The following TMEM177 variants were observed in gnomAD, a reference collection of about 807,000 sequenced individuals.
TMEM177 encodes the protein transmembrane protein 177.
Under a neutral mutation model 14.2 loss-of-function variants are expected in TMEM177, and 4 were observed. That is an observed-to-expected ratio of 0.28 (90% CI 0.14 to 0.64). The LOEUF is 0.64. Ranked by LOEUF, TMEM177 falls within the 30% of genes least tolerant of loss-of-function variation. The pLI is 0.82. For missense variants in TMEM177, 344 were observed against 405.2 expected (o/e 0.85, Z 1.30); for synonymous variants, 179 against 174.5 (o/e 1.03, Z -0.20).
chr2:119,688,662 C>T (rs574370721), downstream of TMEM177, among the ~76,000 whole-genome samples: 7 of 152,180 alleles, frequency 4.6e-5, no homozygotes, highest in Admixed American at 1.3e-4. Flanking sequence ...CATCATGCAG[C>T]GTGTGACTGT....
In TMEM177 at chr2:119,681,673, C is replaced by T; in HGVS notation, c.820C>T (p.Pro274Ser). The change falls in exon 2 of 2, where the codon CCC becomes TCC. Residue 274 changes from proline to serine, a missense_variant. Coordinates refer to ENST00000272521, the MANE Select transcript of TMEM177 (RefSeq NM_030577.3). Reference sequence around the variant, plus strand: ...CAAAGACGGGGAGAAGCTGTATACACCCAGCGGGAACATCGTCCCCAGACA... The same window carrying T: ...CAAAGACGGGGAGAAGCTGTATACATCCAGCGGGAACATCGTCCCCAGACA... Reference protein sequence around the residue: ...LGKDGEKLYTPSGNIVPRHLF... With the variant: ...LGKDGEKLYTSSGNIVPRHLF... 6.2e-7 allele frequency: 1 copy of T among 1,614,172 alleles called. No individual in the cohort carries two copies. The highest frequency in any genetic ancestry group is 8.5e-7 in the Non-Finnish European group (1 of 1,180,026).
In TMEM177 at chr2:119,681,153, T is replaced by TG. The variant is rs746017659; in HGVS notation, c.304dup (p.Ala102GlyfsTer18). The TG allele has an allele frequency of 5.6e-6, 9 of 1,614,242 alleles. No individual in the cohort carries two copies. The highest frequency in any genetic ancestry group is 7.6e-6 in the Non-Finnish European group (9 of 1,180,040). ...GTGCAGGCTTCCCAAGACTCCCTGC[T>TG]GGGGCTGTGGTGGGCATCCCTGCCA... On this transcript the variant is annotated frameshift_variant, in exon 2 of 2. Coordinates refer to ENST00000272521, the MANE Select transcript of TMEM177 (RefSeq NM_030577.3). LOFTEE classifies it high-confidence loss of function.
the TMEM177 span, among the ~76,000 whole-genome samples, chr2:119,717,213 C>T: frequency 2.0e-5 from 3 of 152,208 alleles, no homozygotes; most frequent in Middle Eastern, 6.8e-3. Flanking sequence ...AAATGCAGGG[C>T]CCCTTGTGTA....
At chr2:119,706,905 T>C in the TMEM177 span, among the ~76,000 whole-genome samples, 1 of 150,174 alleles carries the variant, frequency 6.7e-6, no homozygotes, top group Admixed American at 6.7e-5. Flanking sequence ...TATTTATTTA[T>C]TTTATTTTAT....
At chr2:119,718,184 C>T in the TMEM177 span, among the ~76,000 whole-genome samples, 3 of 152,304 alleles carry the variant, frequency 2.0e-5, no homozygotes, top group South Asian at 6.2e-4. Context: ...AGTTTAGAAT[C>T]TCAGTTTATG....
chr2:119,696,944 G>A, the TMEM177 span, among the ~76,000 whole-genome samples: 1 of 152,146 alleles, frequency 6.6e-6, no homozygotes, highest in Non-Finnish European at 1.5e-5. Context: ...TTTTGTTCTA[G>A]CTTCACTCTG....
chr2:119,696,324 G>T, the TMEM177 span, among the ~76,000 whole-genome samples: 2 of 152,218 alleles, frequency 1.3e-5, no homozygotes, highest in African/African-American at 4.8e-5. Context: ...AGTAGGACTA[G>T]ACCTGGGGAG....
Position 119,681,671 on chromosome 2 carries a change from C to T in TMEM177, c.818C>T (p.Thr273Ile), listed in dbSNP as rs1274950124. The stretch of plus-strand genomic sequence containing the variant: ...GGCAAAGACGGGGAGAAGCTGTATA[C>T]ACCCAGCGGGAACATCGTCCCCAGA... ...LLGKDGEKLY[T>I]PSGNIVPRHL... is the part of the protein sequence containing the mutation. The change falls in exon 2 of 2, where the codon ACA (threonine) becomes ATA (isoleucine). Residue 273 changes from threonine (T) to isoleucine (I), a missense_variant. By Grantham distance (89) the Thr-to-Ile change is moderately conservative. Coordinates refer to ENST00000272521, the MANE Select transcript of TMEM177 (RefSeq NM_030577.3). The T allele has an allele frequency of 1.2e-6, 2 of 1,614,108 alleles. No individual in the cohort carries two copies. Among genetic ancestry groups the T allele is most frequent in the South Asian group, 1.1e-5 (1 of 91,094 alleles).
At chr2:119,707,493 A>G in the TMEM177 span, among the ~76,000 whole-genome samples, 1 of 152,220 alleles carries the variant, frequency 6.6e-6, no homozygotes, top group East Asian at 1.9e-4. Context: ...CCTTGTCAGC[A>G]GGCGAAGCTG....
chr2:119,680,536 T>A (rs998494859), intron 1 of TMEM177, among the ~76,000 whole-genome samples: 3 of 152,232 alleles, frequency 2.0e-5, no homozygotes, highest in African/African-American at 7.2e-5. Flanking sequence ...ACAGCCATTA[T>A]TATAAGGAAT....
the TMEM177 span, among the ~76,000 whole-genome samples, chr2:119,705,270 A>C: frequency 6.6e-6 from 1 of 152,176 alleles, no homozygotes; most frequent in African/African-American, 2.4e-5. Context: ...GGCACAGCCT[A>C]GCTGGGTCCT....
the TMEM177 span, among the ~76,000 whole-genome samples, chr2:119,691,570 T>A: frequency 5.9e-5 from 9 of 152,316 alleles, no homozygotes; most frequent in South Asian, 1.9e-3. Context: ...CCCTGCCAGC[T>A]GGGACCTCTG....
chr2:119,699,935 C>A, the TMEM177 span: 15 of 432,884 alleles, frequency 3.5e-5, no homozygotes, highest in South Asian at 2.5e-4. Context: ...GATGTAGATT[C>A]TTTGGTCATT....
downstream of TMEM177, among the ~76,000 whole-genome samples, chr2:119,688,205 A>G (rs897629777): frequency 6.6e-6 from 1 of 152,216 alleles, no homozygotes; most frequent in South Asian, 2.1e-4. Context: ...ATGAGGTACA[A>G]TCTGCATGGT....
At chr2:119,722,285 C>T in the TMEM177 span, among the ~76,000 whole-genome samples, 8 of 151,220 alleles carry the variant, frequency 5.3e-5, 1 homozygote, top group Middle Eastern at 0.01. Flanking sequence ...GGAGGGGATA[C>T]GTGGACATAT....
the TMEM177 span, among the ~76,000 whole-genome samples, chr2:119,719,713 G>A: frequency 6.6e-6 from 1 of 152,312 alleles, no homozygotes; most frequent in African/African-American, 2.4e-5. Context: ...AATGGAGTGG[G>A]AATGGGCCCA....
the TMEM177 span, chr2:119,700,065 CAA>C: frequency 3.7e-6 from 1 of 270,430 alleles, no homozygotes; most frequent in Non-Finnish European, 7.2e-6. Context: ...TGAAAAGGAA[CAA>C]ATTGTTCCTA....
chr2:119,703,659 C>T, the TMEM177 span, among the ~76,000 whole-genome samples: 1 of 152,150 alleles, frequency 6.6e-6, no homozygotes, highest in East Asian at 1.9e-4. Context: ...GGAGGTTGGT[C>T]CCATGCTCCG....
the TMEM177 span, among the ~76,000 whole-genome samples, chr2:119,720,192 G>A: frequency 6.6e-6 from 1 of 152,054 alleles, no homozygotes; most frequent in Non-Finnish European, 1.5e-5. Context: ...ACAGTGCCAT[G>A]CTGAGTGATA....
Sources: allele counts gnomAD v4.1 joint callset (sites outside exome capture counted in the v4.1 genomes callset), GRCh38; gene constraint gnomAD v4.1.1; transcripts MANE v1.5; gene names NCBI Gene and HGNC (gene_info 2026-07-23, HGNC 2026-07-21).